Variants in CHSY1 observed in about 807,000 individuals in gnomAD.
The protein encoded by CHSY1 is chondroitin sulfate synthase 1.
Under a neutral mutation model 59.8 loss-of-function variants are expected in CHSY1, and 13 were observed. The observed-to-expected ratio is 0.22, with a 90% CI of 0.14 to 0.35. The LOEUF is 0.35. CHSY1 is among the 10% of genes least tolerant of loss of function. The pLI is 1.00. For missense variants in CHSY1, 947 were observed against 1,030.6 expected (o/e 0.92, Z 1.11); for synonymous variants, 459 against 401.2 (o/e 1.14, Z -1.72).
intron 2 of CHSY1, among the ~76,000 whole-genome samples, chr15:101,185,389 C>T (rs915189959): frequency 3.9e-5 from 6 of 152,230 alleles, no homozygotes; most frequent in Admixed American, 3.9e-4. Flanking sequence ...ACCTCCAGGC[C>T]AGCCCTTGCT....
intron 2 of CHSY1, among the ~76,000 whole-genome samples, chr15:101,204,118 C>T (rs531201243): frequency 1.3e-5 from 2 of 152,264 alleles, no homozygotes; most frequent in East Asian, 3.9e-4. Context: ...ATTATATCTG[C>T]AACTTCCAAA....
In CHSY1 at chr15:101,178,084, A is replaced by G; in HGVS notation, c.1713T>C (p.Leu571=). ...TGTCAGGGTTGGAGTCAGAATTGAA[A>G]AGCAGAACCACGAGCTTGACGTTCT... is the stretch of plus-strand genomic sequence containing the variant. The part of the protein sequence containing the change: ...PNQNVKLVVL[L]FNSDSNPDKA... Residue 571 remains leucine (L), a synonymous_variant, in exon 3 of 3, where the codon CTT becomes CTC. Coordinates refer to ENST00000254190, the MANE Select transcript of CHSY1 (RefSeq NM_014918.5). The G allele has an allele frequency of 6.2e-7, 1 of 1,614,164 alleles. No homozygotes were observed. The highest frequency in any genetic ancestry group is 8.5e-7 in the Non-Finnish European group (1 of 1,180,022).
At chr15:101,225,651 C>T (rs1273921107) in intron 2 of CHSY1, among the ~76,000 whole-genome samples, 1 of 152,162 alleles carries the variant, frequency 6.6e-6, no homozygotes, top group Non-Finnish European at 1.5e-5. Context: ...TGTCGACTCC[C>T]GCTTTGCCTT....
At position 101,183,984 on chromosome 15, in the gene CHSY1, T is replaced by C. The variant is rs569186672; in HGVS notation, c.817-5004A>G. Among the ~76,000 whole-genome samples, 8 of 152,348 alleles carry C rather than the reference T, an allele frequency of 5.3e-5. No homozygotes were observed. The East Asian group carries it at 1.5e-3, about 29-fold the overall frequency. On this transcript the variant is annotated intron_variant, in intron 2 of 2. Coordinates refer to ENST00000254190, the MANE Select transcript of CHSY1 (RefSeq NM_014918.5). ...GCAGCATATTTAAAGAGAAAATATA[T>C]ACTACTCTGGAGAGATGATATAGTG...
chr15:101,189,680 C>T (rs1291000229), intron 2 of CHSY1: 1 of 153,752 alleles, frequency 6.5e-6, no homozygotes. Flanking sequence ...TCACCTCCTT[C>T]TAGGATATTT....
chr15:101,196,248 A>T (rs2038506291), intron 2 of CHSY1, among the ~76,000 whole-genome samples: 1 of 150,708 alleles, frequency 6.6e-6, no homozygotes, highest in African/African-American at 2.4e-5. Flanking sequence ...AAAAAAAAAC[A>T]TATATGTAAA....
intron 2 of CHSY1, among the ~76,000 whole-genome samples, chr15:101,185,604 G>T (rs2141242970): frequency 6.7e-6 from 1 of 149,184 alleles, no homozygotes; most frequent in African/African-American, 2.5e-5. Context: ...CACATCAAGA[G>T]ATCTCAGTGC....
At chr15:101,236,474 T>G (rs2038943647) in intron 1 of CHSY1, among the ~76,000 whole-genome samples, 1 of 152,190 alleles carries the variant, frequency 6.6e-6, no homozygotes, top group Non-Finnish European at 1.5e-5. Context: ...GCCTTTCACT[T>G]TCCACCATGA....
In CHSY1 at chr15:101,251,204, T is replaced by C. The variant is rs762384442; in HGVS notation, c.253A>G (p.Asn85Asp). 3.0e-5 allele frequency: 48 copies of C among 1,598,146 alleles called. No homozygotes were observed. The highest frequency in any genetic ancestry group is 5.1e-5 in the Admixed American group (3 of 59,338). Reference protein sequence around the residue: ...SDPDGGPRDRNFLFVGVMTAQ... With the variant: ...SDPDGGPRDRDFLFVGVMTAQ... ...GTCATGACTCCCACGAAGAGAAAGT[T>C]CCTGTCGCGCGGGCCGCCATCTGGG... The change falls in exon 1 of 3, where the codon AAC becomes GAC. Residue 85 changes from asparagine to aspartate, a missense_variant. Physicochemically the swap from Asn to Asp is conservative, Grantham distance 23. Coordinates refer to ENST00000254190, the MANE Select transcript of CHSY1 (RefSeq NM_014918.5).
At chr15:101,221,031 G>C (rs752638567) in intron 2 of CHSY1, among the ~76,000 whole-genome samples, 3 of 152,174 alleles carry the variant, frequency 2.0e-5, no homozygotes, top group Non-Finnish European at 2.9e-5. Flanking sequence ...TATTGCTTCA[G>C]ACTCAGTGCC....
chr15:101,244,244 T>C (rs1279054491), intron 1 of CHSY1, among the ~76,000 whole-genome samples: 2 of 152,168 alleles, frequency 1.3e-5, no homozygotes, highest in African/African-American at 4.8e-5. Context: ...GTATTTACAT[T>C]AAGATACAAA....
At chr15:101,234,932 T>A (rs1015997299) in intron 2 of CHSY1, 150 bp downstream of exon 2, 2 of 889,970 alleles carry the variant, frequency 2.2e-6, no homozygotes, top group African/African-American at 8.4e-5. Context: ...GGAACTGAAT[T>A]TTTTTTTTAA....
chr15:101,226,984 A>C (rs1299633680), intron 2 of CHSY1, among the ~76,000 whole-genome samples: 1 of 152,184 alleles, frequency 6.6e-6, no homozygotes, highest in African/African-American at 2.4e-5. Context: ...ACCTCCAAAA[A>C]TCCTGTCTGC....
At chr15:101,206,027 G>C (rs1407072068) in intron 2 of CHSY1, among the ~76,000 whole-genome samples, 1 of 152,194 alleles carries the variant, frequency 6.6e-6, no homozygotes, top group Middle Eastern at 3.4e-3. Context: ...TCTATTTCAA[G>C]TTCCTATAGA....
chr15:101,227,663 G>A (rs1298153931), intron 2 of CHSY1, among the ~76,000 whole-genome samples: 1 of 152,200 alleles, frequency 6.6e-6, no homozygotes, highest in Non-Finnish European at 1.5e-5. Context: ...GTACAAGCAA[G>A]TTAAGTAGTT....
chr15:101,178,743 CTT>C lies in CHSY1; in HGVS notation c.1052_1053del (p.Lys351ArgfsTer38). ...GGAGGGATTCCCAGCTGGAGGTCCT[CTT>C]TATGAATTTCTGTGTTGCTGTATTT... is the stretch of plus-strand genomic sequence containing the variant. ...MSKYSNTEIH[K>X]EDLQLGIPPS... On this transcript the variant is annotated frameshift_variant, in exon 3 of 3. Coordinates refer to ENST00000254190, the MANE Select transcript of CHSY1 (RefSeq NM_014918.5). LOFTEE classifies it high-confidence loss of function. 6.2e-7 allele frequency: 1 copy of C among 1,614,222 alleles called. No individual in the cohort carries two copies. Among genetic ancestry groups the C allele is most frequent in the Non-Finnish European group, 8.5e-7 (1 of 1,180,052 alleles).
intron 1 of CHSY1, among the ~76,000 whole-genome samples, chr15:101,244,768 A>G (rs919213025): frequency 6.6e-6 from 1 of 152,254 alleles, no homozygotes; most frequent in Non-Finnish European, 1.5e-5. Context: ...TCATGTCAAT[A>G]AAAGTATTTC....
intron 2 of CHSY1, among the ~76,000 whole-genome samples, chr15:101,223,057 T>C (rs1374320834): frequency 6.6e-6 from 1 of 152,238 alleles, no homozygotes; most frequent in Non-Finnish European, 1.5e-5. Flanking sequence ...GCAGTGGCGC[T>C]GTCTGGGCTC....
intron 2 of CHSY1, among the ~76,000 whole-genome samples, chr15:101,234,727 C>T (rs931951310): frequency 8.5e-5 from 13 of 152,108 alleles, no homozygotes; most frequent in South Asian, 2.1e-4. Flanking sequence ...ATTAGCCTAG[C>T]GTGGTGGCGC....
Sources: gnomAD v4.1 joint callset for allele counts (sites outside exome capture counted in the v4.1 genomes callset) on GRCh38, gnomAD v4.1.1 for gene constraint, MANE v1.5 for transcripts, NCBI Gene and HGNC (gene_info 2026-07-23, HGNC 2026-07-21) for gene names.